Variants in TRIM23 observed in about 807,000 individuals in gnomAD.
The protein encoded by TRIM23 is E3 ubiquitin-protein ligase TRIM23.
A neutral mutation model predicts 71.0 loss-of-function variants in TRIM23; 27 were observed. The observed-to-expected ratio is 0.38, with a 90% CI of 0.28 to 0.52. The LOEUF is 0.52. Among genes scored for constraint, TRIM23 ranks in the 20% least tolerant of loss-of-function variants. TRIM23 has a pLI of 0.84. For synonymous variants in TRIM23, 234 were observed against 238.0 expected (o/e 0.98, Z 0.16); for missense variants, 482 against 692.3 (o/e 0.70, Z 3.41).
chr5:65,592,029 G>A, intron 10 of TRIM23, 81 bp from the exon 11 acceptor site: 1 of 1,360,244 alleles, frequency 7.4e-7, no homozygotes, highest in Non-Finnish European at 1.0e-6. Flanking sequence ...AGAGAAATTT[G>A]TTGACAGTGT....
Position 65,591,693 on chromosome 5 carries a change from T to A in TRIM23, c.*76A>T. Reference sequence around the variant, plus strand: ...CATCCTAAATTACCATCTTTTGAGATGTATAATTTCTTAAAACATACTATG... The same window carrying A: ...CATCCTAAATTACCATCTTTTGAGAAGTATAATTTCTTAAAACATACTATG... On this transcript the variant is annotated 3_prime_UTR_variant, in exon 11 of 11. Coordinates refer to ENST00000231524, the MANE Select transcript of TRIM23 (RefSeq NM_001656.4). 1 of 1,369,698 alleles carries A rather than the reference T, an allele frequency of 7.3e-7. No homozygotes were observed. Among genetic ancestry groups the A allele is most frequent in the South Asian group, 1.9e-5 (1 of 52,814 alleles). The allele number at this position is 1,369,698 out of a possible 1,614,324, so 84.8% of individuals were successfully genotyped here.
At chr5:65,612,001 T>C in intron 3 of TRIM23, 120 bp from the exon 4 acceptor site, 6 of 961,660 alleles carry the variant, frequency 6.2e-6, no homozygotes, top group Non-Finnish European at 9.0e-6. Context: ...TATGAAAATA[T>C]ATTGGTCATT....
chr5:65,612,007 T>C (rs1443266273), intron 3 of TRIM23, 126 bp from the exon 4 acceptor site: 7 of 928,986 alleles, frequency 7.5e-6, no homozygotes, highest in Non-Finnish European at 1.1e-5. Context: ...AATATATTGG[T>C]CATTAAGAAC....
At chr5:65,618,953 A>T (rs1754845577) in intron 1 of TRIM23, among the ~76,000 whole-genome samples, 1 of 152,240 alleles carries the variant, frequency 6.6e-6, no homozygotes, top group Admixed American at 6.5e-5. Flanking sequence ...GCATATTCTG[A>T]TTCTCAAGTC....
intron 2 of TRIM23, 59 bp from the exon 3 acceptor site, chr5:65,614,278 C>G: frequency 6.6e-7 from 1 of 1,506,654 alleles, no homozygotes; most frequent in Non-Finnish European, 9.2e-7. Flanking sequence ...AATCATTTTA[C>G]CCATACCTCA....
chr5:65,609,447 A>G lies in TRIM23; in HGVS notation c.840T>C (p.Thr280=), dbSNP rs115089508. The change falls in exon 6 of 11, where the codon ACT becomes ACC. Residue 280 remains threonine, a synonymous_variant. Coordinates refer to ENST00000231524, the MANE Select transcript of TRIM23 (RefSeq NM_001656.4). ...GMAHTEHVPG[T]AENARSCIRA... ...GAATACATGACCGGGCATTCTCTGC[A>G]GTCCCTGGTACCTAAGAAAATGAAA... The G allele has an allele frequency of 2.7e-3, 4,346 of 1,614,028 alleles. 99 individuals carry two copies. In the African/African-American group the frequency reaches 0.051, roughly 19 times the overall value.
intron 3 of TRIM23, among the ~76,000 whole-genome samples, chr5:65,613,508 TGCA>T (rs1263788112): frequency 6.6e-6 from 1 of 152,242 alleles, no homozygotes; most frequent in Non-Finnish European, 1.5e-5. Flanking sequence ...AGTACATATG[TGCA>T]GCTATGCAAA....
chr5:65,601,928 C>T (rs952718181), intron 7 of TRIM23, among the ~76,000 whole-genome samples: 4 of 152,182 alleles, frequency 2.6e-5, no homozygotes, highest in Admixed American at 1.3e-4. Flanking sequence ...AGCATGGGGA[C>T]CCTGGGCCCA....
intron 9 of TRIM23, 123 bp downstream of exon 9, chr5:65,596,298 C>T: frequency 4.4e-6 from 3 of 674,172 alleles, no homozygotes; most frequent in East Asian, 2.8e-5. Flanking sequence ...AGAAACTGGC[C>T]ACAGGTACTT....
chr5:65,623,633 T>C (rs989873352), intron 1 of TRIM23, among the ~76,000 whole-genome samples: 2 of 152,178 alleles, frequency 1.3e-5, no homozygotes, highest in African/African-American at 2.4e-5. Context: ...TAATAGACTG[T>C]ACTACTAACA....
chr5:65,591,994 A>T, intron 10 of TRIM23, 46 bp from the exon 11 acceptor site: 1 of 1,497,784 alleles, frequency 6.7e-7, no homozygotes, highest in Non-Finnish European at 9.0e-7. Flanking sequence ...TCCAAATTAT[A>T]ATTTTTCTAA....
intron 7 of TRIM23, among the ~76,000 whole-genome samples, chr5:65,598,322 A>T (rs1754264301): frequency 6.6e-6 from 1 of 152,222 alleles, no homozygotes; most frequent in Non-Finnish European, 1.5e-5. Flanking sequence ...AAAACCAAGA[A>T]GGCATTCCAG....
intron 2 of TRIM23, among the ~76,000 whole-genome samples, chr5:65,616,856 G>A (rs1754791060): frequency 6.6e-6 from 1 of 151,624 alleles, no homozygotes; most frequent in Non-Finnish European, 1.5e-5. Flanking sequence ...CAAGTAGCTG[G>A]GATTACAGGC....
In TRIM23 at chr5:65,590,619, A is replaced by T; in HGVS notation, c.*1150T>A. ...CATAATAATATTCTTTAAAAATGAA[A>T]AACAGTAAAGAGCACACATTTTTAT... On this transcript the variant is annotated 3_prime_UTR_variant, in exon 11 of 11. Coordinates refer to ENST00000231524, the MANE Select transcript of TRIM23 (RefSeq NM_001656.4). The T allele has an allele frequency of 1.0e-6, 1 of 999,888 alleles. No homozygotes were observed. The highest frequency in any genetic ancestry group is 1.2e-6 in the Non-Finnish European group (1 of 833,628). The allele number at this position is 999,888 out of a possible 1,614,324, so 61.9% of individuals were successfully genotyped here. A position where few individuals can be genotyped will look rare whatever the true frequency, so the allele number is the denominator to read the frequency against.
At chr5:65,592,372 G>A (rs888484093) in intron 10 of TRIM23, among the ~76,000 whole-genome samples, 3 of 152,194 alleles carry the variant, frequency 2.0e-5, no homozygotes, top group African/African-American at 7.2e-5. Flanking sequence ...TTACAGGCAT[G>A]TGCTACCATG....
At position 65,590,509 on chromosome 5, in the gene TRIM23, G is replaced by T; in HGVS notation, c.*1260C>A. The stretch of plus-strand genomic sequence containing the variant: ...GTCCTTACAACAATTCAACTAATAA[G>T]ATTTAAGATTTAACTTCATCCTAAT... On this transcript the variant is annotated 3_prime_UTR_variant, in exon 11 of 11. Coordinates refer to ENST00000231524, the MANE Select transcript of TRIM23 (RefSeq NM_001656.4). 6.1e-6 allele frequency: 7 copies of T among 1,145,480 alleles called. No individual in the cohort carries two copies. The highest frequency in any genetic ancestry group is 4.3e-5 in the East Asian group (1 of 23,488). 71.0% of individuals were successfully genotyped at this position (1,145,480 alleles called of 1,614,324 possible). A position where few individuals can be genotyped will look rare whatever the true frequency, so the allele number is the denominator to read the frequency against.
At position 65,605,052 on chromosome 5, in the gene TRIM23, G is replaced by C. The variant is rs866939087; in HGVS notation, c.1045-7C>G. ...AGACAACTCTACAATCATCCTATAAGAGGCAAAACAATATTTCTTATAAAC... is the reference window on the plus strand; with the variant it reads ...AGACAACTCTACAATCATCCTATAACAGGCAAAACAATATTTCTTATAAAC... On this transcript the variant is annotated splice_region_variant and splice_polypyrimidine_tract_variant and intron_variant, in intron 6 of 10. Transcript: ENST00000231524. 6.3e-7 allele frequency: 1 copy of C among 1,594,682 alleles called. No individual in the cohort carries two copies. The highest frequency in any genetic ancestry group is 1.2e-5 in the South Asian group (1 of 86,810).
At chr5:65,619,302 G>C (rs1276468028) in intron 1 of TRIM23, among the ~76,000 whole-genome samples, 2 of 152,150 alleles carry the variant, frequency 1.3e-5, no homozygotes, top group Non-Finnish European at 2.9e-5. Flanking sequence ...GATGTACTCT[G>C]TATAAGCGTC....
rs1040139869 is a variant in TRIM23 at position 65,618,146 on chromosome 5, G to A, written c.191C>T (p.Pro64Leu). ...GCAACGGATTGCTCTTCCATGAAGA[G>A]GTAGGCGAGTGAGACAGTCATGACA... ...TVCHDCLTRLPLHGRAIRCPF... is the reference protein window; with the variant it reads ...TVCHDCLTRLLLHGRAIRCPF... Residue 64 changes from proline to leucine, a missense_variant, in exon 2 of 11, where the codon CCT becomes CTT. This residue lies in a region of TRIM23 where 175 missense variants were observed against 196.5 expected (regional missense o/e 0.89). Coordinates refer to ENST00000231524, the MANE Select transcript of TRIM23 (RefSeq NM_001656.4). 5 of 1,614,054 alleles carry A rather than the reference G, an allele frequency of 3.1e-6. No individual in the cohort carries two copies. The African/African-American group carries it at 4.0e-5, about 13-fold the overall frequency.
Sources: gnomAD v4.1 joint callset for allele counts (sites outside exome capture counted in the v4.1 genomes callset) on GRCh38, gnomAD v4.1.1 for gene constraint, gnomAD v4.1.1 regional missense constraint, MANE v1.5 for transcripts, NCBI Gene and HGNC (gene_info 2026-07-23, HGNC 2026-07-21) for gene names.